Variants in CNGA3 observed in about 807,000 individuals in gnomAD.
CNGA3 encodes the protein cyclic nucleotide-gated channel alpha-3.
In CNGA3, 42 loss-of-function variants were observed where a neutral mutation model predicts 46.6. That is an observed-to-expected ratio of 0.90 (90% CI 0.70 to 1.17). The LOEUF (loss-of-function observed/expected upper bound fraction) is 1.17. CNGA3 is among the 50% of genes most tolerant of loss of function. The probability of loss-of-function intolerance (pLI) is 0.00; values close to 1 mark genes in which losing one functional copy is unlikely to be tolerated. For missense variants in CNGA3, 893 were observed against 890.7 expected (o/e 1.00, Z -0.03); for synonymous variants, 394 against 369.4 (o/e 1.07, Z -0.76).
chr2:98,357,804 A>T (rs1045347569), intron 1 of CNGA3, among the ~76,000 whole-genome samples: 5 of 152,246 alleles, frequency 3.3e-5, no homozygotes, highest in African/African-American at 1.2e-4. Context: ...CACGCCTGGG[A>T]TCCACTTCAA....
Position 98,397,088 on chromosome 2 carries a change from C to A in CNGA3, c.1918C>A (p.Leu640Met). The A allele has an allele frequency of 1.9e-6, 3 of 1,614,168 alleles. No homozygotes were observed. Among genetic ancestry groups the A allele is most frequent in the Non-Finnish European group, 2.5e-6 (3 of 1,180,022 alleles). Residue 640 changes from leucine (L) to methionine (M), a missense_variant, in exon 8 of 8, where the codon CTG becomes ATG. Transcript: ENST00000272602. ...GCAGCTGGGGTCCTCCCTGGACACCCTGCAGACCAGGTTTGCACGCCTCCT... is the reference window on the plus strand; with the variant it reads ...GCAGCTGGGGTCCTCCCTGGACACCATGCAGACCAGGTTTGCACGCCTCCT... The part of the protein sequence containing the change: ...VEQLGSSLDT[L>M]QTRFARLLAE...
intron 5 of CNGA3, 82 bp from the exon 6 acceptor site, chr2:98,389,576 A>C: frequency 8.0e-7 from 1 of 1,243,042 alleles, no homozygotes; most frequent in African/African-American, 1.5e-5. Context: ...CTTCAGCCTG[A>C]AATTGCCCTA....
At chr2:98,370,184 C>T in intron 2 of CNGA3, 108 bp downstream of exon 2, 2 of 885,926 alleles carry the variant, frequency 2.3e-6, no homozygotes, top group Non-Finnish European at 3.7e-6. Context: ...AGCCACAGGT[C>T]AGAGGGCAGG....
At chr2:98,388,832 C>T (rs911787537) in intron 5 of CNGA3, among the ~76,000 whole-genome samples, 1 of 152,174 alleles carries the variant, frequency 6.6e-6, no homozygotes, top group Admixed American at 6.5e-5. Flanking sequence ...AGTGACCTTG[C>T]ACTTGCAGCA....
chr2:98,365,773 G>T (rs1236763909), intron 1 of CNGA3, among the ~76,000 whole-genome samples: 2 of 152,048 alleles, frequency 1.3e-5, no homozygotes, highest in African/African-American at 4.8e-5. Context: ...TCTCTAAACT[G>T]GTTACTCTGG....
intron 1 of CNGA3, among the ~76,000 whole-genome samples, chr2:98,357,822 T>A (rs1458625747): frequency 6.6e-6 from 1 of 152,236 alleles, no homozygotes. Context: ...CAAGGTCACC[T>A]TCACAGTTGC....
chr2:98,390,604 T>A (rs894576135), intron 6 of CNGA3, among the ~76,000 whole-genome samples: 9 of 152,176 alleles, frequency 5.9e-5, no homozygotes, highest in Non-Finnish European at 1.2e-4. Flanking sequence ...GAGGGAACGT[T>A]CCTGAGCACG....
intron 2 of CNGA3, among the ~76,000 whole-genome samples, chr2:98,373,182 A>G (rs530902564): frequency 6.6e-6 from 1 of 152,280 alleles, no homozygotes; most frequent in South Asian, 2.1e-4. Flanking sequence ...CCAGCCCAGC[A>G]TCTGTCTATC....
At chr2:98,376,767 C>A (rs1458907215) in intron 2 of CNGA3, among the ~76,000 whole-genome samples, 1 of 152,214 alleles carries the variant, frequency 6.6e-6, no homozygotes, top group East Asian at 1.9e-4. Context: ...CCTCAAGACT[C>A]ATAGACTGAA....
chr2:98,362,425 C>A (rs1692055741), intron 1 of CNGA3, among the ~76,000 whole-genome samples: 1 of 151,982 alleles, frequency 6.6e-6, no homozygotes, highest in Non-Finnish European at 1.5e-5. Context: ...AGGTGATCCA[C>A]CTGCCTCGGC....
chr2:98,377,610 C>A, intron 2 of CNGA3, 77 bp from the exon 3 acceptor site: 2 of 1,371,460 alleles, frequency 1.5e-6, no homozygotes, highest in Non-Finnish European at 2.0e-6. Flanking sequence ...GAACATCTGA[C>A]TGTCTCACTC....
chr2:98,392,814 G>C lies in CNGA3; in HGVS notation c.673+844G>C, dbSNP rs74925579. ...CTGAAATAGGGCCCAGGTGAATGAG[G>C]ACTTCCTTCGAATCATCTGTGGTTG... On this transcript the variant is annotated intron_variant, in intron 7 of 7. Coordinates refer to ENST00000272602, the MANE Select transcript of CNGA3 (RefSeq NM_001298.3). Among the ~76,000 whole-genome samples the C allele has an allele frequency of 5.6e-3, 857 of 152,208 alleles. 1 individual carries two copies. Among genetic ancestry groups the C allele is most frequent in the Non-Finnish European group, 9.7e-3 (658 of 68,004 alleles).
Position 98,396,171 on chromosome 2 carries a change from C to T in CNGA3, c.1001C>T (p.Ser334Phe), listed in dbSNP as rs1692907593. The T allele has an allele frequency of 6.2e-7, 1 of 1,614,204 alleles. No homozygotes were observed. The highest frequency in any genetic ancestry group is 2.2e-5 in the East Asian group (1 of 44,880). ...ISKFIGFGTDSWVYPNISIPE... is the reference protein window; with the variant it reads ...ISKFIGFGTDFWVYPNISIPE... ...AAGTTCATTGGTTTTGGGACAGACT[C>T]CTGGGTCTACCCAAACATCTCAATC... Residue 334 changes from serine to phenylalanine, a missense_variant, in exon 8 of 8, where the codon TCC becomes TTC. Transcript: ENST00000272602.
chr2:98,373,396 C>T (rs77370531), intron 2 of CNGA3, among the ~76,000 whole-genome samples: 1,535 of 152,220 alleles, frequency 0.01, 27 homozygotes, highest in African/African-American at 0.035. Flanking sequence ...GAACGTTAAT[C>T]GCTCTTTATC....
At chr2:98,382,917 G>A (rs1427647497) in intron 4 of CNGA3, among the ~76,000 whole-genome samples, 4 of 152,202 alleles carry the variant, frequency 2.6e-5, no homozygotes, top group East Asian at 3.9e-4. Flanking sequence ...CTTCGCAGCT[G>A]AGGGAGCAAG....
In CNGA3 at chr2:98,395,848, T is replaced by C; in HGVS notation, c.678T>C (p.Phe226=). The C allele has an allele frequency of 1.2e-6, 2 of 1,614,216 alleles. No individual in the cohort carries two copies. The highest frequency in any genetic ancestry group is 1.7e-6 in the Non-Finnish European group (2 of 1,180,038). ...LDVLVRARTG[F]LEQGLMVSDT... Reference sequence around the variant, plus strand: ...GACCTCCATCTTCTTCTTTAGGTTTTCTCGAGCAAGGCTTAATGGTCAGTG... The same window carrying C: ...GACCTCCATCTTCTTCTTTAGGTTTCCTCGAGCAAGGCTTAATGGTCAGTG... The change falls in exon 8 of 8, where the codon TTT becomes TTC. Residue 226 remains phenylalanine (F), a synonymous_variant. Coordinates refer to ENST00000272602, the MANE Select transcript of CNGA3 (RefSeq NM_001298.3).
chr2:98,363,790 T>C (rs187188165), intron 1 of CNGA3, among the ~76,000 whole-genome samples: 6 of 152,332 alleles, frequency 3.9e-5, no homozygotes, highest in Admixed American at 3.3e-4. Context: ...TAGAGAGTTC[T>C]GTAGATATCT....
rs1231826169 is a variant in CNGA3, at chr2:98,346,488, G to T, written c.-84G>T. The T allele has an allele frequency of 2.5e-6, 1 of 398,460 alleles. No homozygotes were observed. Among genetic ancestry groups the T allele is most frequent in the Non-Finnish European group, 4.4e-6 (1 of 226,070 alleles). The allele number at this position is 398,460 out of a possible 1,614,324, so 24.7% of individuals were successfully genotyped here. On this transcript the variant is annotated 5_prime_UTR_variant, in exon 1 of 8. Transcript: ENST00000272602. Reference sequence around the variant, plus strand: ...CGCCTAGGAGGCCGAGGGAGGAGGCGCTCCGCAGACCCTGGCGCGCCGCGG... The same window carrying T: ...CGCCTAGGAGGCCGAGGGAGGAGGCTCTCCGCAGACCCTGGCGCGCCGCGG...
chr2:98,389,584 C>T (rs1002072071), intron 5 of CNGA3, 74 bp from the exon 6 acceptor site: 4 of 1,366,192 alleles, frequency 2.9e-6, no homozygotes, highest in Non-Finnish European at 4.2e-6. Context: ...TGAAATTGCC[C>T]TAGGCTCTCT....
Sources: allele counts gnomAD v4.1 joint callset (sites outside exome capture counted in the v4.1 genomes callset), GRCh38; gene constraint gnomAD v4.1.1; transcripts MANE v1.5; gene names NCBI Gene and HGNC (gene_info 2026-07-23, HGNC 2026-07-21).